The following SLC35F3 variants were observed in gnomAD, a reference collection of about 807,000 sequenced individuals.
The protein encoded by SLC35F3 is solute carrier family 35 member F3, also known as putative thiamine transporter SLC35F3.
In SLC35F3, 25 loss-of-function variants were observed where a neutral mutation model predicts 49.9. The ratio of observed to expected loss-of-function variants is 0.50; its 90% confidence interval spans 0.37 to 0.70. The LOEUF (loss-of-function observed/expected upper bound fraction) is 0.70, where lower values mean the gene tolerates loss of function less well. SLC35F3 is among the 30% of genes least tolerant of loss of function. The pLI, the probability that SLC35F3 is intolerant of heterozygous loss-of-function variation, is 0.00. For missense variants in SLC35F3, 525 were observed against 639.8 expected (o/e 0.82, Z 1.94); for synonymous variants, 275 against 265.4 (o/e 1.04, Z -0.35).
At chr1:233,965,897 A>T (rs1181449423) in intron 2 of SLC35F3, among the ~76,000 whole-genome samples, 1 of 152,228 alleles carries the variant, frequency 6.6e-6, no homozygotes, top group Admixed American at 6.5e-5. Context: ...AATCTATTTA[A>T]CCTGGGATTG....
intron 3 of SLC35F3, among the ~76,000 whole-genome samples, chr1:234,291,903 C>CA (rs1363605510): frequency 2.6e-5 from 4 of 152,104 alleles, no homozygotes; most frequent in African/African-American, 9.7e-5. Flanking sequence ...GTGCAGAAGA[C>CA]AAAAAAGAAG....
At chr1:234,119,088 C>T (rs540137577) in intron 2 of SLC35F3, among the ~76,000 whole-genome samples, 127 of 152,250 alleles carry the variant, frequency 8.3e-4, no homozygotes, top group Non-Finnish European at 1.6e-3. Context: ...GATCCCTGTA[C>T]ATCAATCAGC....
chr1:234,056,496 A>G (rs912832490), intron 2 of SLC35F3, among the ~76,000 whole-genome samples: 6 of 152,196 alleles, frequency 3.9e-5, no homozygotes, highest in Non-Finnish European at 7.3e-5. Flanking sequence ...TTCAAAAGAC[A>G]TACCATACCC....
chr1:233,969,316 T>C (rs978472334), intron 2 of SLC35F3, among the ~76,000 whole-genome samples: 2 of 152,224 alleles, frequency 1.3e-5, no homozygotes, highest in African/African-American at 4.8e-5. Flanking sequence ...AGTGGCCGCG[T>C]GTGCGGTCAT....
intron 4 of SLC35F3, among the ~76,000 whole-genome samples, chr1:234,311,087 T>C (rs1339319602): frequency 6.6e-6 from 1 of 152,208 alleles, no homozygotes; most frequent in Non-Finnish European, 1.5e-5. Context: ...GGTGATGGCA[T>C]TGATGGCATT....
intron 2 of SLC35F3, among the ~76,000 whole-genome samples, chr1:234,023,384 G>C (rs1396598725): frequency 6.6e-6 from 1 of 152,144 alleles, no homozygotes; most frequent in African/African-American, 2.4e-5. Flanking sequence ...CCAACTGAAA[G>C]GGCTCCCAGT....
chr1:234,218,564 G>A (rs1013743178), intron 2 of SLC35F3, among the ~76,000 whole-genome samples: 2 of 152,180 alleles, frequency 1.3e-5, no homozygotes, highest in African/African-American at 4.8e-5. Flanking sequence ...GCAAGGGTAA[G>A]TATTGTTATC....
intron 2 of SLC35F3, among the ~76,000 whole-genome samples, chr1:233,945,140 G>A (rs867887425): frequency 6.6e-6 from 1 of 151,900 alleles, no homozygotes; most frequent in Admixed American, 6.6e-5. Flanking sequence ...TAGTGATCAT[G>A]TTGTGAGCCC....
intron 2 of SLC35F3, among the ~76,000 whole-genome samples, chr1:234,184,146 A>C (rs576414250): frequency 3.3e-5 from 5 of 152,110 alleles, no homozygotes; most frequent in Admixed American, 2.0e-4. Context: ...TTTAAAAAAA[A>C]AAAACAAAAA....
At chr1:233,981,024 C>T (rs1237104879) in intron 2 of SLC35F3, among the ~76,000 whole-genome samples, 1 of 152,112 alleles carries the variant, frequency 6.6e-6, no homozygotes, top group Non-Finnish European at 1.5e-5. Context: ...GAGTTTTTAT[C>T]TTTTAATTTT....
chr1:234,209,152 A>G (rs1000186823), intron 2 of SLC35F3, among the ~76,000 whole-genome samples: 3 of 152,072 alleles, frequency 2.0e-5, no homozygotes, highest in African/African-American at 7.2e-5. Context: ...AGGTCAAATG[A>G]CCCATCCTTT....
intron 3 of SLC35F3, among the ~76,000 whole-genome samples, chr1:234,293,434 T>G (rs895798742): frequency 6.6e-6 from 1 of 152,186 alleles, no homozygotes; most frequent in Admixed American, 6.5e-5. Context: ...TCAACCCATT[T>G]TGAATCCTTG....
At chr1:233,943,769 A>G (rs982746510) in intron 2 of SLC35F3, among the ~76,000 whole-genome samples, 9 of 152,384 alleles carry the variant, frequency 5.9e-5, no homozygotes, top group African/African-American at 2.2e-4. Context: ...TGAAATGGAA[A>G]GTTATTGGAT....
At chr1:234,178,750 T>C (rs1034576484) in intron 2 of SLC35F3, among the ~76,000 whole-genome samples, 2 of 152,080 alleles carry the variant, frequency 1.3e-5, no homozygotes, top group African/African-American at 4.8e-5. Context: ...CTGCGTTTGC[T>C]ACCATTCATG....
chr1:234,010,574 A>G (rs1663702377), intron 2 of SLC35F3, among the ~76,000 whole-genome samples: 1 of 152,200 alleles, frequency 6.6e-6, no homozygotes, highest in Non-Finnish European at 1.5e-5. Flanking sequence ...AAACAAATTA[A>G]AAAGACTCAA....
At chr1:234,095,189 A>T (rs1426556663) in intron 2 of SLC35F3, among the ~76,000 whole-genome samples, 1 of 152,214 alleles carries the variant, frequency 6.6e-6, no homozygotes, top group African/African-American at 2.4e-5. Context: ...TAGGCCTAGG[A>T]AACTATCTAG....
chr1:233,971,592 G>A (rs1188779350), intron 2 of SLC35F3, among the ~76,000 whole-genome samples: 1 of 151,956 alleles, frequency 6.6e-6, no homozygotes, highest in South Asian at 2.1e-4. Context: ...GGTGGTGGTA[G>A]CCTGTAATCC....
At chr1:234,305,035 T>A (rs920703664) in intron 3 of SLC35F3, among the ~76,000 whole-genome samples, 7 of 152,234 alleles carry the variant, frequency 4.6e-5, no homozygotes, top group Non-Finnish European at 7.3e-5. Context: ...AAAGAAAAGC[T>A]TCCTTAGCTT....
chr1:234,103,878 A>G (rs535162309), intron 2 of SLC35F3, among the ~76,000 whole-genome samples: 3 of 152,304 alleles, frequency 2.0e-5, no homozygotes, highest in African/African-American at 7.2e-5. Context: ...GAGCAAAACC[A>G]TTAAAAGCCT....
Sources: allele counts gnomAD v4.1 joint callset (sites outside exome capture counted in the v4.1 genomes callset), GRCh38; gene constraint gnomAD v4.1.1; transcripts MANE v1.5; gene names NCBI Gene and HGNC (gene_info 2026-07-23, HGNC 2026-07-21).